The following PNPLA8 variants were observed in gnomAD, a reference collection of about 807,000 sequenced individuals.
PNPLA8 encodes the protein calcium-independent phospholipase A2-gamma.
Under a neutral mutation model 76.9 loss-of-function variants are expected in PNPLA8, and 39 were observed. The ratio of observed to expected loss-of-function variants is 0.51; its 90% CI spans 0.39 to 0.66. The LOEUF (loss-of-function observed/expected upper bound fraction) is 0.66, where lower values mean the gene tolerates loss of function less well. Ranked by LOEUF, PNPLA8 falls within the 30% of genes least tolerant of loss-of-function variation. The pLI, the probability that PNPLA8 is intolerant of heterozygous loss-of-function variation, is 0.00. For missense variants in PNPLA8, 887 were observed against 918.0 expected (o/e 0.97, Z 0.44); for synonymous variants, 301 against 307.9 (o/e 0.98, Z 0.24).
intron 2 of PNPLA8, among the ~76,000 whole-genome samples, chr7:108,520,594 T>C (rs1033941901): frequency 1.3e-5 from 2 of 152,156 alleles, no homozygotes; most frequent in Admixed American, 6.5e-5. Context: ...AGCTAGAAGA[T>C]TTGAAATATT....
In PNPLA8 at chr7:108,487,897, G is replaced by C. The variant is rs1186793943; in HGVS notation, c.1740C>G (p.Phe580Leu). ...TTCCAGGAAAATGACCATAGTTTCTGAACACAAAAGCTTTGGGTGTTATCC... is the reference window on the plus strand; with the variant it reads ...TTCCAGGAAAATGACCATAGTTTCTCAACACAAAAGCTTTGGGTGTTATCC... ...NRGITPKAFV[F>L]RNYGHFPGIN... The change falls in exon 9 of 11, where the codon TTC (phenylalanine) becomes TTG (leucine). Residue 580 changes from phenylalanine to leucine, a missense_variant. Transcript: ENST00000257694. 1 of 1,613,278 alleles carries C rather than the reference G, an allele frequency of 6.2e-7. No homozygotes were observed. The highest frequency in any genetic ancestry group is 8.5e-7 in the Non-Finnish European group (1 of 1,179,378).
intron 2 of PNPLA8, 141 bp from the exon 3 acceptor site, chr7:108,515,715 A>T: frequency 2.8e-6 from 1 of 352,436 alleles, no homozygotes; most frequent in Non-Finnish European, 4.9e-6. Flanking sequence ...GCTGATAGAA[A>T]ATTCATTTTT....
At chr7:108,505,233 T>C (rs1241320088) in intron 4 of PNPLA8, among the ~76,000 whole-genome samples, 4 of 139,662 alleles carry the variant, frequency 2.9e-5, no homozygotes, top group Non-Finnish European at 6.0e-5. Context: ...ACCAAATCTA[T>C]TCTAGATGAA....
chr7:108,495,154 T>C (rs1033594915), intron 7 of PNPLA8, among the ~76,000 whole-genome samples: 11 of 152,214 alleles, frequency 7.2e-5, no homozygotes, highest in African/African-American at 2.4e-4. Flanking sequence ...TTCAGCCATG[T>C]ATGTATCAAG....
chr7:108,522,165 G>A (rs1053967462), intron 1 of PNPLA8, among the ~76,000 whole-genome samples: 4 of 151,898 alleles, frequency 2.6e-5, no homozygotes, highest in East Asian at 1.9e-4. Flanking sequence ...GTGGTGGTAC[G>A]TGACTATAGT....
rs1455972035 is a variant in PNPLA8, at chr7:108,471,728, G to GTTAA, written c.*669_*672dup. 1 of 152,162 alleles carries GTTAA rather than the reference G, an allele frequency of 6.6e-6. No individual in the cohort carries two copies. The highest frequency in any genetic ancestry group is 1.9e-4 in the East Asian group (1 of 5,200). 9.4% of individuals were successfully genotyped at this position (152,162 alleles called of 1,614,324 possible). On this transcript the variant is annotated 3_prime_UTR_variant, in exon 11 of 11. Transcript: ENST00000257694. ...ATAAGCTAGTGTTAGATCTGGAAAA[G>GTTAA]TTAATATAGCATTATCTTGAAATTT... is the stretch of plus-strand genomic sequence containing the variant.
chr7:108,515,823 TC>T (rs1863299644), intron 2 of PNPLA8, among the ~76,000 whole-genome samples: 1 of 152,180 alleles, frequency 6.6e-6, no homozygotes, highest in Non-Finnish European at 1.5e-5. Context: ...TAGGGAAGTT[TC>T]CCAATAGATA....
At chr7:108,505,620 C>T (rs1009854883) in intron 4 of PNPLA8, among the ~76,000 whole-genome samples, 5 of 151,462 alleles carry the variant, frequency 3.3e-5, no homozygotes, top group African/African-American at 1.2e-4. Flanking sequence ...CTCAGCCTCC[C>T]GAAGTGCTAG....
In PNPLA8 at chr7:108,514,842, C is replaced by T. The variant is rs35597447; in HGVS notation, c.650G>A (p.Arg217His). 3.4e-5 allele frequency: 55 copies of T among 1,611,956 alleles called. No homozygotes were observed. The South Asian group carries it at 5.3e-4, about 15-fold the overall frequency. The stretch of plus-strand genomic sequence containing the variant: ...CTTTTGTTGAGACATTTTTTCCTTA[C>T]GTTTGAAATATGAATTAATATGATT... ...LSNHINSYFK[R>H]KEKMSQQKEN... Residue 217 changes from arginine to histidine, a missense_variant, in exon 3 of 11, where the codon CGT becomes CAT. Arg to His is a conservative substitution (Grantham distance 29). Transcript: ENST00000257694.
chr7:108,514,571 A>G lies in PNPLA8; in HGVS notation c.921T>C (p.Gly307=). 1 of 1,613,982 alleles carries G rather than the reference A, an allele frequency of 6.2e-7. No individual in the cohort carries two copies. The highest frequency in any genetic ancestry group is 8.5e-7 in the Non-Finnish European group (1 of 1,179,876). The change falls in exon 3 of 11, where the codon GGT becomes GGC. Residue 307 remains glycine, a synonymous_variant. Coordinates refer to ENST00000257694, the MANE Select transcript of PNPLA8 (RefSeq NM_001256007.3). The part of the protein sequence containing the change: ...GVQALVGGYI[G]GLVPKLKYDS... ...CATACTTTAATTTGGGGACAAGTCC[A>G]CCAATATAACCACCTACTAAAGCTT...
chr7:108,525,941 G>A (rs1864047730), intron 1 of PNPLA8, 88 bp downstream of exon 1: 1 of 570,946 alleles, frequency 1.8e-6, no homozygotes, highest in Admixed American at 6.4e-5. Flanking sequence ...TCCAAAGAAA[G>A]AAAGGACGAC....
intron 1 of PNPLA8, among the ~76,000 whole-genome samples, chr7:108,525,475 A>G (rs77273549): frequency 0.018 from 2,710 of 152,348 alleles, 91 homozygotes; most frequent in African/African-American, 0.061. Flanking sequence ...AATGATAGAA[A>G]TGACACAGGG....
In PNPLA8 at chr7:108,472,080, GT is replaced by G. The variant is rs1252379660; in HGVS notation, c.*320del. On this transcript the variant is annotated 3_prime_UTR_variant, in exon 11 of 11. Transcript: ENST00000257694. ...AATACACAGTACAATATAGCTTTCG[GT>G]TTCTTGTTCGGCACATATATTAATA... The G allele has an allele frequency of 1.1e-5, 2 of 176,580 alleles. No individual in the cohort carries two copies. Among genetic ancestry groups the G allele is most frequent in the Non-Finnish European group, 1.2e-5 (1 of 84,896 alleles). The allele number at this position is 176,580 out of a possible 1,614,324, so 10.9% of individuals were successfully genotyped here.
intron 8 of PNPLA8, among the ~76,000 whole-genome samples, chr7:108,490,158 C>A (rs1861039928): frequency 6.6e-6 from 1 of 152,098 alleles, no homozygotes; most frequent in East Asian, 1.9e-4. Context: ...GTCACAATTG[C>A]CTACAGTATT....
intron 2 of PNPLA8, among the ~76,000 whole-genome samples, chr7:108,520,361 T>A (rs192240495): frequency 2.4e-4 from 36 of 152,272 alleles, no homozygotes; most frequent in Admixed American, 8.5e-4. Flanking sequence ...TTCACTTATA[T>A]GTAGGAGCTA....
intron 4 of PNPLA8, among the ~76,000 whole-genome samples, chr7:108,507,644 A>C (rs1048702944): frequency 1.3e-5 from 2 of 152,084 alleles, no homozygotes; most frequent in Non-Finnish European, 2.9e-5. Flanking sequence ...TCTGTCTCCC[A>C]AAAAAAGAAA....
At chr7:108,504,696 G>T (rs1442581548) in intron 4 of PNPLA8, among the ~76,000 whole-genome samples, 1 of 152,170 alleles carries the variant, frequency 6.6e-6, no homozygotes, top group African/African-American at 2.4e-5. Flanking sequence ...AAGGTTGGAG[G>T]ATTTATACTA....
At chr7:108,512,015 G>A (rs1165011129) in intron 4 of PNPLA8, among the ~76,000 whole-genome samples, 22 of 152,132 alleles carry the variant, frequency 1.4e-4, no homozygotes, top group Non-Finnish European at 2.5e-4. Context: ...GAAGAAACCC[G>A]TGGCAACTTC....
rs1217664445 is a variant in PNPLA8 at position 108,496,693 on chromosome 7, A to G, written c.1516T>C (p.Tyr506His). 6.8e-6 allele frequency: 11 copies of G among 1,611,812 alleles called. No homozygotes were observed. The highest frequency in any genetic ancestry group is 1.6e-4 in the Middle Eastern group (1 of 6,072). The change falls in exon 7 of 11, where the codon TAT (tyrosine) becomes CAT (histidine). Residue 506 changes from tyrosine (Y) to histidine (H), a missense_variant. By Grantham distance (83) the Tyr-to-His change is moderately conservative. Transcript: ENST00000257694. ...HMPLDECEELYRKLGSDVFSQ... is the reference protein window; with the variant it reads ...HMPLDECEELHRKLGSDVFSQ... ...AATACATCTGATCCTAATTTTCGAT[A>G]AAGTTCCTCACATTCATCCAAGGGC...
Sources: gnomAD v4.1 joint callset for allele counts (sites outside exome capture counted in the v4.1 genomes callset) on GRCh38, gnomAD v4.1.1 for gene constraint, MANE v1.5 for transcripts, NCBI Gene and HGNC (gene_info 2026-07-23, HGNC 2026-07-21) for gene names.